P2RX1: variants seen among roughly 807,000 people sequenced by gnomAD.
The protein encoded by P2RX1 is P2X purinoceptor 1.
In P2RX1, 42 loss-of-function variants were observed where a neutral mutation model predicts 50.3. The observed-to-expected ratio is 0.83, with a 90% confidence interval of 0.65 to 1.08. The LOEUF is 1.08. P2RX1 is among the 50% of genes least tolerant of loss of function. The probability of loss-of-function intolerance (pLI) is 0.00; values close to 1 mark genes in which losing one functional copy is unlikely to be tolerated. For missense variants in P2RX1, 449 were observed against 529.0 expected, an observed-to-expected ratio of 0.85 and a Z score of 1.48; for synonymous variants, 199 against 202.6, an observed-to-expected ratio of 0.98 and a Z score of 0.15.
intron 1 of P2RX1, among the ~76,000 whole-genome samples, chr17:3,911,315 T>C (rs1046544929): frequency 1.5e-5 from 2 of 137,018 alleles, no homozygotes; most frequent in African/African-American, 2.6e-5. Flanking sequence ...TTCTTTCTTT[T>C]TTTTTGAATA....
chr17:3,897,738 C>G lies in P2RX1; in HGVS notation c.*76G>C, dbSNP rs1030373395. On this transcript the variant is annotated 3_prime_UTR_variant, in exon 12 of 12. Transcript: ENST00000225538. ...TAGGAGACTTCCTGGGGAGGCCCCTCTGCCCTGGCTGGGACCCACCAGGGC... is the reference window on the plus strand; with the variant it reads ...TAGGAGACTTCCTGGGGAGGCCCCTGTGCCCTGGCTGGGACCCACCAGGGC... 2.3e-5 allele frequency: 32 copies of G among 1,390,252 alleles called. No homozygotes were observed. In the African/African-American group the frequency reaches 3.9e-4, roughly 17 times the overall value. The allele number at this position is 1,390,252 out of a possible 1,614,324, so 86.1% of individuals were successfully genotyped here.
chr17:3,899,527 C>T, intron 8 of P2RX1, 107 bp downstream of exon 8: 14 of 1,462,196 alleles, frequency 9.6e-6, no homozygotes, highest in Non-Finnish European at 1.3e-5. Flanking sequence ...CTGCCCAGGA[C>T]CCTCTGCTCC....
Position 3,905,469 on chromosome 17 carries a change from T to C in P2RX1, c.138-102A>G, listed in dbSNP as rs536575219. ...CCAGATGTGCCTCTGAGCCACCATC[T>C]GCTCCTAAAGCTCCTGTCTTGGGCT... On this transcript the variant is annotated intron_variant, in intron 1 of 11. Transcript: ENST00000225538. 1.0e-5 allele frequency: 14 copies of C among 1,358,416 alleles called. No individual in the cohort carries two copies. The South Asian group carries it at 1.7e-4, about 17-fold the overall frequency. The allele number at this position is 1,358,416 out of a possible 1,614,324, so 84.1% of individuals were successfully genotyped here.
At position 3,905,303 on chromosome 17, in the gene P2RX1, TCA is replaced by T; in HGVS notation, c.200_201del (p.Val67GlufsTer22). 1 of 1,613,992 alleles carries T rather than the reference TCA, an allele frequency of 6.2e-7. No homozygotes were observed. The highest frequency in any genetic ancestry group is 8.5e-7 in the Non-Finnish European group (1 of 1,180,026). ...TGGGTCACGGCCAGGCCCTTGAGTT[TCA>T]CAGAGACACTGCTGATGAGGCCGCT... is the stretch of plus-strand genomic sequence containing the variant. ...TSSGLISSVS[V>X]KLKGLAVTQL... On this transcript the variant is annotated frameshift_variant, in exon 2 of 12. Coordinates refer to ENST00000225538, the MANE Select transcript of P2RX1 (RefSeq NM_002558.4). LOFTEE classifies it high-confidence loss of function.
At chr17:3,915,881 C>G (rs1567660965) in intron 1 of P2RX1, 3 of 707,870 alleles carry the variant, frequency 4.2e-6, no homozygotes, top group Non-Finnish European at 7.6e-6. Flanking sequence ...CACCGAAGGC[C>G]CCCGGGCAGG....
chr17:3,911,153 A>ATT (rs35055902), intron 1 of P2RX1, among the ~76,000 whole-genome samples: 9 of 138,222 alleles, frequency 6.5e-5, no homozygotes, highest in East Asian at 6.4e-4. Flanking sequence ...CACCTGGGTA[A>ATT]TTTTTTTTTT....
rs138722970 is a variant in P2RX1, at chr17:3,909,450, C to T, written c.138-4083G>A. Among the ~76,000 whole-genome samples the T allele has an allele frequency of 3.8e-4, 58 of 152,284 alleles. No individual in the cohort carries two copies. The East Asian group carries it at 0.011, about 28-fold the overall frequency. ...ACAAATTCCTCTTTCAATGTTGATC[C>T]GCCCCCATTCCCTGAGTGAGCTGCC... On this transcript the variant is annotated intron_variant, in intron 1 of 11. Transcript: ENST00000225538.
Position 3,899,720 on chromosome 17 carries a change from C to T in P2RX1, c.789G>A (p.Leu263=). ...VGITIDWHCD[L]DWHVRHCRPI... Reference sequence around the variant, plus strand: ...GTCTGCAGTGCCGTACGTGCCAGTCCAGGTCACAGTGCCAGTCGATGGTGA... The same window carrying T: ...GTCTGCAGTGCCGTACGTGCCAGTCTAGGTCACAGTGCCAGTCGATGGTGA... The change falls in exon 8 of 12, where the codon CTG becomes CTA. Residue 263 remains leucine, a synonymous_variant. Coordinates refer to ENST00000225538, the MANE Select transcript of P2RX1 (RefSeq NM_002558.4). The T allele has an allele frequency of 6.2e-7, 1 of 1,614,010 alleles. No homozygotes were observed. Among genetic ancestry groups the T allele is most frequent in the Non-Finnish European group, 8.5e-7 (1 of 1,179,928 alleles).
intron 3 of P2RX1, 111 bp from the exon 4 acceptor site, chr17:3,904,510 C>T: frequency 1.1e-6 from 1 of 918,694 alleles, no homozygotes; most frequent in Admixed American, 2.1e-5. Context: ...AGTCTCAGAC[C>T]TCTCTGGAGT....
rs1417921007 is a variant in P2RX1, at chr17:3,903,399, CA to C, written c.606-57del. The C allele has an allele frequency of 1.1e-4, 172 of 1,611,618 alleles. 2 individuals are homozygous for C. The Middle Eastern group carries it at 4.5e-3, about 42-fold the overall frequency. ...GTGTGTCATCCGGGAGGGTGCCCAC[CA>C]CGCCCCAAAGCCTGGGGACCCCTCA... is the stretch of plus-strand genomic sequence containing the variant. On this transcript the variant is annotated intron_variant, in intron 6 of 11. Transcript: ENST00000225538. The surrounding 1 kb of genome is among the most constrained non-coding windows in gnomAD (Gnocchi z 4.6).
intron 1 of P2RX1, among the ~76,000 whole-genome samples, chr17:3,906,560 C>G (rs2056268392): frequency 1.3e-5 from 2 of 152,188 alleles, no homozygotes; most frequent in South Asian, 4.1e-4. Flanking sequence ...GCTGGGACCC[C>G]CTGGGAGACA....
intron 1 of P2RX1, chr17:3,915,757 T>C (rs1188065357): frequency 4.0e-6 from 2 of 499,738 alleles, no homozygotes; most frequent in Admixed American, 2.3e-5. Flanking sequence ...CGGTCAGAGG[T>C]CGAGGACTCA....
In P2RX1 at chr17:3,903,471, G is replaced by A. The variant is rs2056192173; in HGVS notation, c.605+80C>T. On this transcript the variant is annotated intron_variant, in intron 6 of 11. Transcript: ENST00000225538. This position sits in a 1 kb window ranked among gnomAD's most constrained non-coding sequence, Gnocchi z 4.6. ...TGATTCCTTCCACGCCAGCAGGAAT[G>A]GAGGGAGACAGAGACAGCTGAGAGC... 1 of 1,590,006 alleles carries A rather than the reference G, an allele frequency of 6.3e-7. No individual in the cohort carries two copies. Among genetic ancestry groups the A allele is most frequent in the African/African-American group, 1.3e-5 (1 of 74,452 alleles).
At chr17:3,910,059 C>G (rs2056336928) in intron 1 of P2RX1, among the ~76,000 whole-genome samples, 2 of 149,688 alleles carry the variant, frequency 1.3e-5, no homozygotes, top group Non-Finnish European at 3.0e-5. Flanking sequence ...ACTGCAACCT[C>G]TGCCTCCCGG....
Position 3,899,033 on chromosome 17 carries a change from A to G in P2RX1, c.876-9T>C. 6.2e-7 allele frequency: 1 copy of G among 1,605,032 alleles called. No individual in the cohort carries two copies. The highest frequency in any genetic ancestry group is 8.5e-7 in the Non-Finnish European group (1 of 1,172,710). ...CAAAGTGCCTGGCAAACCTTGGGGA[A>G]GGGATGAGGTGGCAGGAGGGTGATG... On this transcript the variant is annotated splice_polypyrimidine_tract_variant and intron_variant, in intron 8 of 11. Transcript: ENST00000225538.
At position 3,903,681 on chromosome 17, in the gene P2RX1, G is replaced by A; in HGVS notation, c.525-50C>T. The A allele has an allele frequency of 6.3e-7, 1 of 1,578,712 alleles. No individual in the cohort carries two copies. The highest frequency in any genetic ancestry group is 1.1e-5 in the South Asian group (1 of 90,366). On this transcript the variant is annotated intron_variant, in intron 5 of 11. Coordinates refer to ENST00000225538, the MANE Select transcript of P2RX1 (RefSeq NM_002558.4). The surrounding 1 kb of genome is among the most constrained non-coding windows in gnomAD (Gnocchi z 4.6). Reference sequence around the variant, plus strand: ...CGCCCCTCCCCAGGAGGCCCCCTGTGTGTCCCACACAGAGCTTGGCACAGC... The same window carrying A: ...CGCCCCTCCCCAGGAGGCCCCCTGTATGTCCCACACAGAGCTTGGCACAGC...
chr17:3,903,441 C>T lies in P2RX1; in HGVS notation c.606-98G>A. 2 of 1,591,994 alleles carry T rather than the reference C, an allele frequency of 1.3e-6. No homozygotes were observed. The highest frequency in any genetic ancestry group is 1.1e-5 in the South Asian group (1 of 90,128). ...GGACCCCTCACAGGCTCCACATTGC[C>T]CCTTTGATTCCTTCCACGCCAGCAG... On this transcript the variant is annotated intron_variant, in intron 6 of 11. Transcript: ENST00000225538. The surrounding 1 kb of genome is among the most constrained non-coding windows in gnomAD (Gnocchi z 4.6).
intron 7 of P2RX1, among the ~76,000 whole-genome samples, chr17:3,902,152 T>C (rs954920083): frequency 6.6e-6 from 1 of 152,068 alleles, no homozygotes; most frequent in African/African-American, 2.4e-5. Flanking sequence ...TGAGACGGAG[T>C]CATTCTGTCG....
intron 1 of P2RX1, among the ~76,000 whole-genome samples, chr17:3,913,271 G>A (rs539414823): frequency 2.1e-4 from 32 of 151,914 alleles, no homozygotes; most frequent in African/African-American, 7.5e-4. Context: ...GATTACAGGC[G>A]TGCACCACCA....
Sources: allele counts gnomAD v4.1 joint callset (sites outside exome capture counted in the v4.1 genomes callset), GRCh38; gene constraint gnomAD v4.1.1; non-coding constraint Gnocchi (gnomAD v3.1); transcripts MANE v1.5; gene names NCBI Gene and HGNC (gene_info 2026-07-23, HGNC 2026-07-21).